SSRP1: variants seen among roughly 807,000 people sequenced by gnomAD.
The protein encoded by SSRP1 is FACT complex subunit SSRP1.
SSRP1 carries 21 observed loss-of-function variants against 84.4 expected under a neutral mutation model. That is an observed-to-expected ratio of 0.25 (90% CI 0.18 to 0.36). The LOEUF (loss-of-function observed/expected upper bound fraction) is 0.36, where lower values mean the gene tolerates loss of function less well. SSRP1 is among the 10% of genes least tolerant of loss of function. The pLI is 1.00. For missense variants in SSRP1, 519 were observed against 900.8 expected, an observed-to-expected ratio of 0.58 and a Z score of 5.43; for synonymous variants, 319 against 318.3, an observed-to-expected ratio of 1.00 and a Z score of -0.02.
At chr11:57,327,366 G>T (rs374571875) in intron 15 of SSRP1, 60 bp downstream of exon 15, 1 of 1,519,054 alleles carries the variant, frequency 6.6e-7, no homozygotes, top group Non-Finnish European at 9.1e-7. Context: ...ACTTCGGCCT[G>T]TTAAAAAAAA....
At chr11:57,334,366 A>T in intron 3 of SSRP1, 97 bp downstream of exon 3, 1 of 1,433,146 alleles carries the variant, frequency 7.0e-7, no homozygotes, top group Non-Finnish European at 9.5e-7. Flanking sequence ...CCAAACTAGC[A>T]ATCACAGGGT....
At chr11:57,334,337 C>G in intron 3 of SSRP1, 126 bp downstream of exon 3, 1 of 1,106,650 alleles carries the variant, frequency 9.0e-7, no homozygotes, top group Non-Finnish European at 1.3e-6. Flanking sequence ...GATGGCCTCA[C>G]AGCCCTGCTC....
Position 57,330,784 on chromosome 11 carries a change from A to C in SSRP1, c.1296+71T>G. Reference sequence around the variant, plus strand: ...GAAGAAAGAGTGAAAAAGAAGCCGGAAAAAATCTCCACCCCTTTCTCCCCT... The same window carrying C: ...GAAGAAAGAGTGAAAAAGAAGCCGGCAAAAATCTCCACCCCTTTCTCCCCT... On this transcript the variant is annotated intron_variant, in intron 10 of 16. Coordinates refer to ENST00000278412, the MANE Select transcript of SSRP1 (RefSeq NM_003146.3). This position sits in a 1 kb window ranked among gnomAD's most constrained non-coding sequence, Gnocchi z 4.0. 6.2e-7 allele frequency: 1 copy of C among 1,610,066 alleles called. No homozygotes were observed.
intron 12 of SSRP1, chr11:57,329,818 T>G: frequency 9.3e-6 from 5 of 539,934 alleles, no homozygotes; most frequent in East Asian, 3.1e-5. Context: ...CTCATTCCCA[T>G]TCTCTCCTCA....
chr11:57,327,297 G>C, intron 15 of SSRP1, 129 bp downstream of exon 15: 1 of 967,690 alleles, frequency 1.0e-6, no homozygotes, highest in Non-Finnish European at 1.6e-6. Context: ...CCAGGTTTGA[G>C]AAGCACTACC....
rs2134388798 is a variant in SSRP1, at chr11:57,330,732, C to T, written c.1296+123G>A. 6.5e-7 allele frequency: 1 copy of T among 1,538,564 alleles called. No homozygotes were observed. Among genetic ancestry groups the T allele is most frequent in the East Asian group, 2.4e-5 (1 of 42,332 alleles). The stretch of plus-strand genomic sequence containing the variant: ...CAGGAGGGGGAAAGGGTCACACGCA[C>T]CTCTTTTTTCTATAAGGGTAAGAAG... On this transcript the variant is annotated intron_variant, in intron 10 of 16. Coordinates refer to ENST00000278412, the MANE Select transcript of SSRP1 (RefSeq NM_003146.3). This position sits in a 1 kb window ranked among gnomAD's most constrained non-coding sequence, Gnocchi z 4.0.
chr11:57,335,541 A>C lies in SSRP1; in HGVS notation c.-120+189T>G. The C allele has an allele frequency of 7.3e-6, 2 of 273,420 alleles. No homozygotes were observed. Among genetic ancestry groups the C allele is most frequent in the Non-Finnish European group, 1.5e-5 (2 of 136,108 alleles). The allele number at this position is 273,420 out of a possible 1,614,324, so 16.9% of individuals were successfully genotyped here. On this transcript the variant is annotated intron_variant, in intron 1 of 16. Coordinates refer to ENST00000278412, the MANE Select transcript of SSRP1 (RefSeq NM_003146.3). The surrounding 1 kb of genome is among the most constrained non-coding windows in gnomAD (Gnocchi z 4.6). Reference sequence around the variant, plus strand: ...CCGCACATCGCACGCGACCCAATCCAGCTCAGAGTGCAGGGTTTCCCTCGC... The same window carrying C: ...CCGCACATCGCACGCGACCCAATCCCGCTCAGAGTGCAGGGTTTCCCTCGC...
chr11:57,334,500 T>C lies in SSRP1; in HGVS notation c.203A>G (p.Asn68Ser). The C allele has an allele frequency of 6.2e-7, 1 of 1,614,242 alleles. No homozygotes were observed. Among genetic ancestry groups the C allele is most frequent in the Non-Finnish European group, 8.5e-7 (1 of 1,180,038 alleles). The change falls in exon 3 of 17, where the codon AAT (asparagine) becomes AGT (serine). Residue 68 changes from asparagine to serine, a missense_variant. Around this residue, in one of 7 missense-constraint regions of SSRP1, gnomAD observed 88 missense variants for 122.0 expected, o/e 0.72. Transcript: ENST00000278412. ...LGHGLKLLTK[N>S]GHVYKYDGFR... ...GCCATCATACTTGTAGACATGGCCA[T>C]TCTTTGTAAGCAGTTTAAGTCCATG...
intron 12 of SSRP1, 178 bp from the exon 13 acceptor site, chr11:57,328,604 C>A: frequency 1.2e-6 from 1 of 831,062 alleles, no homozygotes; most frequent in Non-Finnish European, 1.8e-6. Flanking sequence ...GTGGTGGCTT[C>A]AGCCATGCCC....
At position 57,332,688 on chromosome 11, in the gene SSRP1, G is replaced by A. The variant is rs751655526; in HGVS notation, c.705C>T (p.Pro235=). Residue 235 remains proline (P), a synonymous_variant, in exon 6 of 17, where the codon CCC becomes CCT. Transcript: ENST00000278412. This position sits in a 1 kb window ranked among gnomAD's most constrained non-coding sequence, Gnocchi z 5.5. ...LHGKTFDYKI[P]YTTVLRLFLL... ...AAAACAGACGCAGTACTGTGGTGTA[G>A]GGGATCTTGTAGTCAAAGGTCTTGC... The A allele has an allele frequency of 2.5e-6, 4 of 1,614,084 alleles. No homozygotes were observed. Among genetic ancestry groups the A allele is most frequent in the Non-Finnish European group, 1.7e-6 (2 of 1,180,014 alleles).
chr11:57,326,854 T>G lies in SSRP1; in HGVS notation c.1907A>C (p.Lys636Thr), dbSNP rs1351074537. The change falls in exon 16 of 17, where the codon AAG (lysine) becomes ACG (threonine). Residue 636 changes from lysine (K) to threonine (T), a missense_variant. Physicochemically the swap from Lys to Thr is moderately conservative, Grantham distance 78 (BLOSUM62 -1). Around this residue, in one of 7 missense-constraint regions of SSRP1, gnomAD observed 197 missense variants for 265.0 expected, o/e 0.74. Transcript: ENST00000278412. ...AGAGGGCGTGGATTTCTTTTCCATCTTTACCTTTACTTTCTTCTTCTTCTT... is the reference window on the plus strand; with the variant it reads ...AGAGGGCGTGGATTTCTTTTCCATCGTTACCTTTACTTTCTTCTTCTTCTT... ...KSKKKKKVKVKMEKKSTPSRG... is the reference protein window; with the variant it reads ...KSKKKKKVKVTMEKKSTPSRG... The G allele has an allele frequency of 6.2e-7, 1 of 1,613,504 alleles. No homozygotes were observed. Among genetic ancestry groups the G allele is most frequent in the African/African-American group, 1.3e-5 (1 of 74,894 alleles).
chr11:57,333,498 G>A lies in SSRP1; in HGVS notation c.283C>T (p.Leu95Phe), dbSNP rs751485584. 1.9e-6 allele frequency: 3 copies of A among 1,613,896 alleles called. No homozygotes were observed. The highest frequency in any genetic ancestry group is 1.7e-5 in the Admixed American group (1 of 60,004). Residue 95 changes from leucine (L) to phenylalanine (F), a missense_variant, in exon 4 of 17, where the codon CTT becomes TTT. Transcript: ENST00000278412. ...CAAAGGTCCTTCTCCATTAGCTCAAGGCGATAGTGAGTTTTGAAGAAATCA... is the reference window on the plus strand; with the variant it reads ...CAAAGGTCCTTCTCCATTAGCTCAAAGCGATAGTGAGTTTTGAAGAAATCA... ...LSDFFKTHYR[L>F]ELMEKDLCVK... is the part of the protein sequence containing the mutation.
intron 13 of SSRP1, 140 bp from the exon 14 acceptor site, chr11:57,328,022 A>G (rs988120956): frequency 1.0e-5 from 11 of 1,093,282 alleles, no homozygotes; most frequent in Non-Finnish European, 1.4e-5. Context: ...CCTAAGGGCA[A>G]GGATAGTATC....
chr11:57,329,775 G>C (rs922110601), intron 12 of SSRP1: 12 of 444,082 alleles, frequency 2.7e-5, no homozygotes, highest in Non-Finnish European at 4.1e-5. Flanking sequence ...TGACTTACTC[G>C]ACAACCCCCA....
chr11:57,331,470 TG>T (rs1488746445), intron 9 of SSRP1, among the ~76,000 whole-genome samples, 197 bp downstream of exon 9: 32 of 152,114 alleles, frequency 2.1e-4, no homozygotes, highest in Non-Finnish European at 8.8e-5. Flanking sequence ...TGTTTTGTTT[TG>T]TTTTTTTAAT....
Position 57,332,304 on chromosome 11 carries a change from C to T in SSRP1, c.873-24G>A, listed in dbSNP as rs1395797687. ...CCCTACAAAGAAAGCAAGGTGAGGT[C>T]ACAACACTACTGCCTTCTAATGGCA... On this transcript the variant is annotated intron_variant, in intron 7 of 16. Transcript: ENST00000278412. The surrounding 1 kb of genome is among the most constrained non-coding windows in gnomAD (Gnocchi z 5.5). 6.2e-7 allele frequency: 1 copy of T among 1,614,070 alleles called. No individual in the cohort carries two copies. The highest frequency in any genetic ancestry group is 2.2e-5 in the East Asian group (1 of 44,874).
In SSRP1 at chr11:57,334,749, A is replaced by G. The variant is rs1207682414; in HGVS notation, c.55-101T>C. 13 of 1,402,932 alleles carry G rather than the reference A, an allele frequency of 9.3e-6. No individual in the cohort carries two copies. In the East Asian group the frequency reaches 1.6e-4, roughly 17 times the overall value. 86.9% of individuals were successfully genotyped at this position (1,402,932 alleles called of 1,614,324 possible). ...CATTCCTGCTGCAAGTGGACTGGCCAGATTATCAATGCAGGAGCAACAGCT... is the reference window on the plus strand; with the variant it reads ...CATTCCTGCTGCAAGTGGACTGGCCGGATTATCAATGCAGGAGCAACAGCT... On this transcript the variant is annotated intron_variant, in intron 2 of 16. Coordinates refer to ENST00000278412, the MANE Select transcript of SSRP1 (RefSeq NM_003146.3).
Position 57,326,285 on chromosome 11 carries a change from G to A in SSRP1, c.*122C>T, listed in dbSNP as rs549424509. ...CCTAGTGACATACACACCAACAGGA[G>A]AGCATGTTCAGATGGCACAGAATCC... On this transcript the variant is annotated 3_prime_UTR_variant, in exon 17 of 17. Transcript: ENST00000278412. 2 of 912,660 alleles carry A rather than the reference G, an allele frequency of 2.2e-6. No individual in the cohort carries two copies. Among genetic ancestry groups the A allele is most frequent in the African/African-American group, 1.6e-5 (1 of 61,462 alleles). 56.5% of individuals were successfully genotyped at this position (912,660 alleles called of 1,614,324 possible).
At chr11:57,326,978 A>G in intron 15 of SSRP1, 89 bp from the exon 16 acceptor site, 1 of 1,454,490 alleles carries the variant, frequency 6.9e-7, no homozygotes, top group Non-Finnish European at 9.0e-7. Flanking sequence ...GGCCTTTCCC[A>G]ATCCCAGCCA....
Sources: allele counts gnomAD v4.1 joint callset (sites outside exome capture counted in the v4.1 genomes callset), GRCh38; gene constraint gnomAD v4.1.1; regional missense constraint gnomAD v4.1.1; non-coding constraint Gnocchi (gnomAD v3.1); transcripts MANE v1.5; gene names NCBI Gene and HGNC (gene_info 2026-07-23, HGNC 2026-07-21).